ANKFN1: variants seen among roughly 807,000 people sequenced by gnomAD.
ANKFN1 encodes ankyrin repeat and fibronectin type III domain containing 1.
In ANKFN1, 74 loss-of-function variants were observed where a neutral mutation model predicts 108.7. That is an observed-to-expected ratio of 0.68 (90% CI 0.56 to 0.83). The LOEUF is 0.83. Among genes scored for constraint, ANKFN1 ranks in the 40% least tolerant of loss-of-function variants. ANKFN1 has a pLI of 0.00. For missense variants in ANKFN1, 1,505 were observed against 1,382.3 expected (o/e 1.09, Z -1.41); for synonymous variants, 547 against 516.2 (o/e 1.06, Z -0.81).
At chr17:56,500,985 C>A (rs776956444) in intron 20 of ANKFN1, among the ~76,000 whole-genome samples, 29 of 152,066 alleles carry the variant, frequency 1.9e-4, no homozygotes, top group Non-Finnish European at 3.7e-4. Flanking sequence ...TGGGAGTAGG[C>A]AGGAAGTGTG....
chr17:56,457,532 G>C, intron 13 of ANKFN1, 143 bp downstream of exon 13: 1 of 927,032 alleles, frequency 1.1e-6, no homozygotes, highest in Non-Finnish European at 1.6e-6. Context: ...TTCAGCCCTG[G>C]TATGCCCTAT....
chr17:56,141,308 G>A (rs532056715), intron 4 of ANKFN1, among the ~76,000 whole-genome samples: 7 of 152,288 alleles, frequency 4.6e-5, no homozygotes, highest in African/African-American at 1.7e-4. Context: ...GATTTTCCAA[G>A]CCTCTAATAT....
At chr17:56,379,053 A>G (rs549605286) in intron 8 of ANKFN1, among the ~76,000 whole-genome samples, 1 of 152,298 alleles carries the variant, frequency 6.6e-6, no homozygotes, top group African/African-American at 2.4e-5. Context: ...TTAAATTTTC[A>G]TCATTTAACA....
chr17:56,447,272 T>G (rs1042686475), intron 10 of ANKFN1, among the ~76,000 whole-genome samples: 2 of 152,068 alleles, frequency 1.3e-5, no homozygotes, highest in East Asian at 3.9e-4. Context: ...AAGAAAAAAT[T>G]TGAGGCAAAG....
intron 8 of ANKFN1, among the ~76,000 whole-genome samples, chr17:56,421,975 A>T (rs1487070137): frequency 1.3e-5 from 2 of 152,260 alleles, no homozygotes; most frequent in South Asian, 2.1e-4. Flanking sequence ...TTCTTTTTGA[A>T]AGAAATATGT....
chr17:56,077,890 T>C (rs1221040331), intron 4 of ANKFN1, among the ~76,000 whole-genome samples: 1 of 152,206 alleles, frequency 6.6e-6, no homozygotes, highest in Non-Finnish European at 1.5e-5. Flanking sequence ...ACAAACACTA[T>C]GCTAAATACA....
chr17:56,481,609 T>C (rs1338515906), intron 17 of ANKFN1, among the ~76,000 whole-genome samples: 1 of 152,124 alleles, frequency 6.6e-6, no homozygotes, highest in African/African-American at 2.4e-5. Flanking sequence ...GAACCATGAA[T>C]TGGCCTCTAA....
intron 20 of ANKFN1, among the ~76,000 whole-genome samples, chr17:56,500,492 C>G (rs1044228524): frequency 9.9e-5 from 15 of 152,122 alleles, no homozygotes; most frequent in African/African-American, 3.6e-4. Flanking sequence ...AGAAGTTAGG[C>G]TAATAAGAGA....
At chr17:56,212,741 A>G (rs1915110689) in intron 2 of ANKFN1, among the ~76,000 whole-genome samples, 62 bp downstream of exon 2, 1 of 152,216 alleles carries the variant, frequency 6.6e-6, no homozygotes, top group Non-Finnish European at 1.5e-5. Context: ...AAAGGAACCC[A>G]AGCTGGATCA....
chr17:56,356,269 C>A (rs2046375035), intron 6 of ANKFN1, among the ~76,000 whole-genome samples: 1 of 152,118 alleles, frequency 6.6e-6, no homozygotes, highest in Admixed American at 6.6e-5. Context: ...CTCACATTCC[C>A]CTTAGTGAAA....
At chr17:56,167,470 G>C (rs1054369818) in intron 1 of ANKFN1, among the ~76,000 whole-genome samples, 17 of 151,884 alleles carry the variant, frequency 1.1e-4, no homozygotes, top group African/African-American at 4.1e-4. Flanking sequence ...AATTATGAAA[G>C]CTGGCATGGT....
At chr17:56,440,900 T>C (rs1416741931) in intron 9 of ANKFN1, among the ~76,000 whole-genome samples, 1 of 150,740 alleles carries the variant, frequency 6.6e-6, no homozygotes, top group East Asian at 1.9e-4. Flanking sequence ...AAAAACGAAG[T>C]CTGTCTAAAT....
Position 56,100,410 on chromosome 17 carries a change from A to G in ANKFN1, c.288+54085A>G, listed in dbSNP as rs190246853. Among the ~76,000 whole-genome samples the G allele has an allele frequency of 7.9e-5, 12 of 152,334 alleles. No individual in the cohort carries two copies. The East Asian group carries it at 2.3e-3, about 29-fold the overall frequency. On this transcript the variant is annotated intron_variant, in intron 4 of 12. Coordinates refer to the ANKFN1 transcript ENST00000635860. ...ATGGATCCCTGTTGTGTTTGGAGAC[A>G]ATATTTTCCTTCAGATTGTGGACAG... is the stretch of plus-strand genomic sequence containing the variant.
At chr17:56,152,495 C>T (rs147481655), upstream of ANKFN1, among the ~76,000 whole-genome samples, 110 of 152,018 alleles carry the variant, frequency 7.2e-4, 1 homozygote, top group African/African-American at 2.3e-3. Context: ...AGCAATTAGA[C>T]ATTCATGATC....
chr17:56,478,492 T>TA lies in ANKFN1; in HGVS notation c.1940+838_1940+839insA, dbSNP rs2145355726. Among the ~76,000 whole-genome samples the TA allele has an allele frequency of 2.0e-5, 3 of 152,218 alleles. 1 individual carries two copies. In the South Asian group the frequency reaches 6.2e-4, roughly 32 times the overall value. On this transcript the variant is annotated intron_variant, in intron 16 of 20. Coordinates refer to ENST00000682825, the MANE Select transcript of ANKFN1 (RefSeq NM_001370326.1). ...ATGTTTTCTACAACCCTTATAATTCTCTATGGAAGAAAAGAAGTAACAAGG... is the reference window on the plus strand; with the variant it reads ...ATGTTTTCTACAACCCTTATAATTCTACTATGGAAGAAAAGAAGTAACAAGG...
In ANKFN1 at chr17:56,076,600, G is replaced by A. The variant is rs368085433; in HGVS notation, c.288+30275G>A. ...TTGGATCCTGACTCTGCCGCTTACTGTGTGCCCTTCAAATGCAGCTTGCTT... is the reference window on the plus strand; with the variant it reads ...TTGGATCCTGACTCTGCCGCTTACTATGTGCCCTTCAAATGCAGCTTGCTT... On this transcript the variant is annotated intron_variant, in intron 4 of 12. Coordinates refer to the ANKFN1 transcript ENST00000635860. 1.3e-4 allele frequency among the ~76,000 whole-genome samples: 20 copies of A among 152,260 alleles called. No individual in the cohort carries two copies. The East Asian group carries it at 3.7e-3, about 28-fold the overall frequency.
intron 8 of ANKFN1, among the ~76,000 whole-genome samples, chr17:56,380,586 A>G (rs1055213823): frequency 2.0e-5 from 3 of 152,194 alleles, no homozygotes; most frequent in Non-Finnish European, 2.9e-5. Flanking sequence ...CCACCCTAAT[A>G]CTGTGCTTTT....
intron 1 of ANKFN1, among the ~76,000 whole-genome samples, chr17:56,178,084 C>T (rs1598186135): frequency 1.3e-5 from 2 of 152,170 alleles, no homozygotes; most frequent in East Asian, 3.9e-4. Context: ...ATTCGCCCTC[C>T]CTTGGAAGTC....
intron 15 of ANKFN1, among the ~76,000 whole-genome samples, chr17:56,468,068 C>T (rs912661679): frequency 5.9e-5 from 9 of 152,168 alleles, no homozygotes; most frequent in Non-Finnish European, 1.3e-4. Flanking sequence ...CCACTTGAGT[C>T]TCCACAAAAC....
Sources: allele counts gnomAD v4.1 joint callset (sites outside exome capture counted in the v4.1 genomes callset), GRCh38; gene constraint gnomAD v4.1.1; transcripts MANE v1.5; gene names NCBI Gene and HGNC (gene_info 2026-07-23, HGNC 2026-07-21).